The following UGT2B7 variants were observed in gnomAD, a reference collection of about 807,000 sequenced individuals.
UGT2B7 encodes UDP-glucuronosyltransferase 2B7.
A neutral mutation model predicts 51.9 loss-of-function variants in UGT2B7; 51 were observed. The ratio of observed to expected loss-of-function variants is 0.98; its 90% CI spans 0.78 to 1.24. The LOEUF is 1.24. Ranked by LOEUF, UGT2B7 falls within the 50% of genes most tolerant of loss-of-function variation. The pLI is 0.00. For missense variants in UGT2B7, 727 were observed against 628.4 expected (o/e 1.16, Z -1.68); for synonymous variants, 225 against 211.6 (o/e 1.06, Z -0.55).
chr4:69,078,859 C>T (rs1338824716), intron 1 of UGT2B7, among the ~76,000 whole-genome samples: 2 of 152,246 alleles, frequency 1.3e-5, no homozygotes, highest in South Asian at 2.1e-4. Context: ...TAGGAGTCTG[C>T]ACCGCCTGGT....
At chr4:69,057,597 C>T (rs968201191) in intron 1 of UGT2B7, among the ~76,000 whole-genome samples, 2 of 152,174 alleles carry the variant, frequency 1.3e-5, no homozygotes, top group African/African-American at 4.8e-5. Context: ...CATAACAGCA[C>T]TATTACAAAA....
chr4:69,059,756 C>G (rs1718301573), intron 1 of UGT2B7, among the ~76,000 whole-genome samples: 1 of 152,210 alleles, frequency 6.6e-6, no homozygotes, highest in Non-Finnish European at 1.5e-5. Context: ...CACCATGGAA[C>G]ACCCCTCTCT....
At chr4:69,072,895 G>C (rs1399517642) in intron 1 of UGT2B7, among the ~76,000 whole-genome samples, 1 of 152,150 alleles carries the variant, frequency 6.6e-6, no homozygotes, top group African/African-American at 2.4e-5. Flanking sequence ...TAAAAGTTGT[G>C]TTCCTTCAGA....
intron 1 of UGT2B7, among the ~76,000 whole-genome samples, chr4:69,087,848 C>T (rs1018185122): frequency 7.9e-5 from 12 of 151,682 alleles, no homozygotes; most frequent in African/African-American, 2.9e-4. Flanking sequence ...ATGGTATAAA[C>T]CTTTTCTTAT....
intron 1 of UGT2B7, among the ~76,000 whole-genome samples, chr4:69,072,538 A>G (rs1718623175): frequency 6.6e-6 from 1 of 152,210 alleles, no homozygotes; most frequent in Admixed American, 6.6e-5. Context: ...AAAAGATAAA[A>G]CAAATATGCT....
intron 1 of UGT2B7, among the ~76,000 whole-genome samples, chr4:69,080,431 T>C (rs11934762): frequency 0.63 from 94,865 of 151,524 alleles, 31,146 homozygotes; most frequent in African/African-American, 0.81. Flanking sequence ...GCCTGCAATC[T>C]CAGCTACTCA....
chr4:69,098,671 G>C lies in UGT2B7; in HGVS notation c.853G>C (p.Ala285Pro). 6.2e-7 allele frequency: 1 copy of C among 1,610,422 alleles called. No individual in the cohort carries two copies. ...TGTTGGAGGACTCCACTGCAAACCTGCCAAACCCCTGCCTAAGGTAAACAT... is the reference window on the plus strand; with the variant it reads ...TGTTGGAGGACTCCACTGCAAACCTCCCAAACCCCTGCCTAAGGTAAACAT... ...DFVGGLHCKP[A>P]KPLPKEMEDF... Residue 285 changes from alanine (A) to proline (P), a missense_variant, in exon 2 of 6, where the codon GCC becomes CCC. Physicochemically the swap from Ala to Pro is conservative, Grantham distance 27. Transcript: ENST00000305231.
chr4:69,069,355 C>G (rs1322292042), intron 1 of UGT2B7, among the ~76,000 whole-genome samples: 1 of 151,862 alleles, frequency 6.6e-6, no homozygotes, highest in East Asian at 1.9e-4. Context: ...AATTCAATCT[C>G]TGTACTCTCA....
chr4:69,112,531 T>A lies in UGT2B7; in HGVS notation c.1385T>A (p.Phe462Tyr). Residue 462 changes from phenylalanine to tyrosine, a missense_variant, in exon 6 of 6, where the codon TTC (phenylalanine) becomes TAC (tyrosine). Transcript: ENST00000305231. ...GTGAAGCCCCTGGATCGAGCAGTCT[T>A]CTGGATTGAATTTGTCATGCGCCAC... Reference protein sequence around the residue: ...QPVKPLDRAVFWIEFVMRHKG... With the variant: ...QPVKPLDRAVYWIEFVMRHKG... The A allele has an allele frequency of 6.2e-7, 1 of 1,613,944 alleles. No individual in the cohort carries two copies. The highest frequency in any genetic ancestry group is 8.5e-7 in the Non-Finnish European group (1 of 1,179,860).
At chr4:69,087,841 G>T (rs748443602) in intron 1 of UGT2B7, among the ~76,000 whole-genome samples, 19 of 151,608 alleles carry the variant, frequency 1.3e-4, no homozygotes, top group Non-Finnish European at 2.2e-4. Context: ...GTTTAATATG[G>T]TATAAACCTT....
chr4:69,072,052 C>T (rs1473425907), intron 1 of UGT2B7, among the ~76,000 whole-genome samples: 3 of 151,980 alleles, frequency 2.0e-5, no homozygotes, highest in African/African-American at 4.8e-5. Context: ...TCAAAGAATA[C>T]TTTCATTTGT....
At chr4:69,065,887 G>A in intron 1 of UGT2B7, among the ~76,000 whole-genome samples, 1 of 152,042 alleles carries the variant, frequency 6.6e-6, no homozygotes, top group East Asian at 1.9e-4. Context: ...AATTATGTCT[G>A]CCTAACAATT....
At chr4:69,106,933 G>T (rs1004575258) in intron 3 of UGT2B7, among the ~76,000 whole-genome samples, 2 of 150,876 alleles carry the variant, frequency 1.3e-5, no homozygotes, top group African/African-American at 2.4e-5. Context: ...TTAAATGCTT[G>T]AAATTTTCAT....
intron 1 of UGT2B7, among the ~76,000 whole-genome samples, chr4:69,080,641 G>A (rs1192368942): frequency 6.6e-6 from 1 of 151,946 alleles, no homozygotes; most frequent in Non-Finnish European, 1.5e-5. Flanking sequence ...AATTGATCAG[G>A]GTTTTAAATA....
intron 1 of UGT2B7, among the ~76,000 whole-genome samples, chr4:69,088,209 G>C (rs1719003734): frequency 2.0e-5 from 3 of 151,926 alleles, no homozygotes. Context: ...GTTTGACCAA[G>C]TCTGCTGTTG....
At chr4:69,084,888 G>A (rs1424684377) in intron 1 of UGT2B7, among the ~76,000 whole-genome samples, 2 of 152,046 alleles carry the variant, frequency 1.3e-5, no homozygotes, top group African/African-American at 4.8e-5. Context: ...GGTTGGGTTG[G>A]TTCTAAATCC....
At chr4:69,076,039 C>A (rs1718696970) in intron 1 of UGT2B7, among the ~76,000 whole-genome samples, 1 of 151,648 alleles carries the variant, frequency 6.6e-6, no homozygotes. Flanking sequence ...GTTAGATTTT[C>A]TGTTCTTGTG....
chr4:69,098,736 T>C, intron 2 of UGT2B7, 48 bp downstream of exon 2: 1 of 1,597,378 alleles, frequency 6.3e-7, no homozygotes, highest in Non-Finnish European at 8.5e-7. Context: ...GAATTTTCAG[T>C]AGAAATGATT....
At position 69,098,680 on chromosome 4, in the gene UGT2B7, C is replaced by T; in HGVS notation, c.862C>T (p.Leu288=). The T allele has an allele frequency of 6.2e-7, 1 of 1,610,296 alleles. No homozygotes were observed. The highest frequency in any genetic ancestry group is 1.1e-5 in the South Asian group (1 of 90,638). ...ACTCCACTGCAAACCTGCCAAACCC[C>T]TGCCTAAGGTAAACATACTTTTGTT... is the stretch of plus-strand genomic sequence containing the variant. ...GGLHCKPAKP[L]PKEMEDFVQS... Residue 288 remains leucine, a synonymous_variant, in exon 2 of 6, where the codon CTG becomes TTG. Coordinates refer to ENST00000305231, the MANE Select transcript of UGT2B7 (RefSeq NM_001074.4).
Sources: gnomAD v4.1 joint callset for allele counts (sites outside exome capture counted in the v4.1 genomes callset) on GRCh38, gnomAD v4.1.1 for gene constraint, MANE v1.5 for transcripts, NCBI Gene and HGNC (gene_info 2026-07-23, HGNC 2026-07-21) for gene names.